Variants in RAB38 observed in about 807,000 individuals in gnomAD.
RAB38 encodes ras-related protein Rab-38.
RAB38 carries 15 observed loss-of-function variants against 18.4 expected under a neutral mutation model. The ratio of observed to expected loss-of-function variants is 0.82; its 90% CI spans 0.55 to 1.26. The LOEUF is 1.26. Ranked by LOEUF, RAB38 falls within the 50% of genes most tolerant of loss-of-function variation. The probability of loss-of-function intolerance (pLI) is 0.00; values close to 1 mark genes in which losing one functional copy is unlikely to be tolerated. For missense variants in RAB38, 294 were observed against 267.4 expected (o/e 1.10, Z -0.69); for synonymous variants, 101 against 104.4 (o/e 0.97, Z 0.20).
At chr11:88,004,073 A>T in the RAB38 span, among the ~76,000 whole-genome samples, 3 of 143,832 alleles carry the variant, frequency 2.1e-5, no homozygotes, top group African/African-American at 7.6e-5. Flanking sequence ...CTTCTCAGAA[A>T]AGAAAGAAAA....
the RAB38 span, chr11:87,879,369 G>A: frequency 6.6e-6 from 1 of 151,604 alleles, no homozygotes. Context: ...TCAACATGTG[G>A]GGCATGGGGG....
chr11:87,804,588 TTATTGTG>T, the RAB38 span, among the ~76,000 whole-genome samples: 99 of 152,258 alleles, frequency 6.5e-4, no homozygotes, highest in African/African-American at 2.0e-3. Flanking sequence ...TTTTTTAATC[TTATTGTG>T]CATAACCTCA....
At chr11:88,053,806 TA>T in the RAB38 span, among the ~76,000 whole-genome samples, 3 of 151,556 alleles carry the variant, frequency 2.0e-5, no homozygotes, top group South Asian at 2.1e-4. Context: ...TTTTTTTTTT[TA>T]TTTTTTCCTC....
chr11:87,953,417 C>T, the RAB38 span, among the ~76,000 whole-genome samples: 1 of 152,124 alleles, frequency 6.6e-6, no homozygotes, highest in African/African-American at 2.4e-5. Context: ...CAGTAGTCCC[C>T]CCTTACTGGC....
the RAB38 span, among the ~76,000 whole-genome samples, chr11:87,922,355 C>T: frequency 6.6e-6 from 1 of 152,024 alleles, no homozygotes; most frequent in African/African-American, 2.4e-5. Flanking sequence ...ATACAAGCTA[C>T]TGGAGCAGAG....
intron 2 of RAB38, among the ~76,000 whole-genome samples, chr11:88,123,963 T>C (rs1224274368): frequency 6.6e-6 from 1 of 152,240 alleles, no homozygotes; most frequent in East Asian, 1.9e-4. Flanking sequence ...TTTTCTTATA[T>C]ATGATTCTTA....
chr11:88,135,686 A>G (rs1175424191), intron 2 of RAB38, among the ~76,000 whole-genome samples: 1 of 152,252 alleles, frequency 6.6e-6, no homozygotes, highest in African/African-American at 2.4e-5. Flanking sequence ...ACCAGATGAA[A>G]TAGAATGTGA....
chr11:87,847,571 G>C, the RAB38 span, among the ~76,000 whole-genome samples: 17,972 of 152,054 alleles, frequency 0.12, 1,348 homozygotes, highest in African/African-American at 0.2. Context: ...GGTTGGCATT[G>C]ACTTCTATGA....
chr11:87,868,159 G>A, the RAB38 span, among the ~76,000 whole-genome samples: 4 of 151,658 alleles, frequency 2.6e-5, no homozygotes, highest in Non-Finnish European at 5.9e-5. Flanking sequence ...CTAATGGGAG[G>A]TGTTTGGGTC....
the RAB38 span, among the ~76,000 whole-genome samples, chr11:87,813,534 C>T: frequency 1.4e-5 from 2 of 142,330 alleles, no homozygotes; most frequent in East Asian, 2.1e-4. Context: ...CACACACACA[C>T]ATCTCTGTCA....
the RAB38 span, among the ~76,000 whole-genome samples, chr11:87,947,744 A>G: frequency 2.0e-5 from 3 of 152,102 alleles, no homozygotes; most frequent in African/African-American, 4.8e-5. Context: ...CCATTGGTCT[A>G]TATCTCTGTT....
At chr11:88,094,628 C>T in the RAB38 span, among the ~76,000 whole-genome samples, 1 of 151,852 alleles carries the variant, frequency 6.6e-6, no homozygotes, top group Non-Finnish European at 1.5e-5. Context: ...CCTTACCCCT[C>T]TTTCCCTCTA....
intron 2 of RAB38, among the ~76,000 whole-genome samples, chr11:88,140,542 G>A (rs1371981152): frequency 6.6e-6 from 1 of 152,164 alleles, no homozygotes; most frequent in Non-Finnish European, 1.5e-5. Flanking sequence ...GCAGGGACCA[G>A]CCCCATAAGG....
the RAB38 span, among the ~76,000 whole-genome samples, chr11:87,929,782 T>A: frequency 6.8e-6 from 1 of 147,558 alleles, no homozygotes; most frequent in Non-Finnish European, 1.5e-5. Context: ...TTCTCATTGT[T>A]CAATTCCCAC....
At chr11:87,953,716 G>C in the RAB38 span, among the ~76,000 whole-genome samples, 1 of 152,246 alleles carries the variant, frequency 6.6e-6, no homozygotes, top group Non-Finnish European at 1.5e-5. Flanking sequence ...TCCAGTGAGA[G>C]TCTTGCAACA....
chr11:87,914,657 T>C, the RAB38 span, among the ~76,000 whole-genome samples: 1 of 152,238 alleles, frequency 6.6e-6, no homozygotes, highest in South Asian at 2.1e-4. Context: ...GCTTGTTACG[T>C]AATAGTGAAA....
the RAB38 span, among the ~76,000 whole-genome samples, chr11:88,041,376 G>GC: frequency 1.3e-5 from 2 of 152,064 alleles, no homozygotes; most frequent in South Asian, 4.1e-4. Context: ...GAAAGACCTT[G>GC]CCTCCTTGCA....
At chr11:88,088,244 C>T in the RAB38 span, among the ~76,000 whole-genome samples, 1 of 152,056 alleles carries the variant, frequency 6.6e-6, no homozygotes, top group African/African-American at 2.4e-5. Context: ...ACTATGTCCA[C>T]CCACAGCATC....
the RAB38 span, among the ~76,000 whole-genome samples, chr11:87,926,699 G>C: frequency 6.6e-6 from 1 of 152,024 alleles, no homozygotes; most frequent in Non-Finnish European, 1.5e-5. Flanking sequence ...CTGCTAAGGA[G>C]TTGAGCTTTA....
Sources: allele counts gnomAD v4.1 joint callset (sites outside exome capture counted in the v4.1 genomes callset), GRCh38; gene constraint gnomAD v4.1.1; transcripts MANE v1.5; gene names NCBI Gene and HGNC (gene_info 2026-07-23, HGNC 2026-07-21).